Variants in SGCD observed in about 807,000 individuals in gnomAD.
SGCD encodes the protein delta-sarcoglycan.
In SGCD, 18 loss-of-function variants were observed where a neutral mutation model predicts 36.6. The observed-to-expected ratio is 0.49, with a 90% confidence interval of 0.34 to 0.73. The LOEUF is 0.73. Among genes scored for constraint, SGCD ranks in the 30% least tolerant of loss-of-function variants. SGCD has a pLI of 0.01. For missense variants in SGCD, 387 were observed against 346.7 expected (o/e 1.12, Z -0.92); for synonymous variants, 133 against 130.6 (o/e 1.02, Z -0.12).
At chr5:156,230,101 A>ACCTTTCTCTGGTGCTTCC (rs1338927332) in intron 3 of SGCD, among the ~76,000 whole-genome samples, 31 of 151,912 alleles carry the variant, frequency 2.0e-4, no homozygotes, top group African/African-American at 7.0e-4. Context: ...ATTTGGCTTC[A>ACCTTTCTCTGGTGCTTCC]CCTTTCTCTG....
intron 3 of SGCD, among the ~76,000 whole-genome samples, chr5:156,246,600 A>G (rs1312927063): frequency 1.3e-5 from 2 of 152,202 alleles, no homozygotes; most frequent in African/African-American, 2.4e-5. Context: ...ACTGTTTCAT[A>G]TAAATAAGGA....
chr5:156,631,456 C>G (rs1047473647), intron 6 of SGCD, among the ~76,000 whole-genome samples: 5 of 141,218 alleles, frequency 3.5e-5, no homozygotes, highest in African/African-American at 1.4e-4. Flanking sequence ...GGTTTTGACA[C>G]TTGCTTTTTT....
chr5:156,141,917 G>A (rs1762591240), intron 3 of SGCD, among the ~76,000 whole-genome samples: 1 of 152,174 alleles, frequency 6.6e-6, no homozygotes, highest in Admixed American at 6.5e-5. Context: ...CAGTGGAGCA[G>A]TTTCCTTCAT....
chr5:156,092,913 T>A, intron 1 of SGCD, among the ~76,000 whole-genome samples: 1 of 152,242 alleles, frequency 6.6e-6, no homozygotes, highest in Admixed American at 6.5e-5. Context: ...TTTGGTGCTT[T>A]GTGCTTCTGT....
intron 1 of SGCD, among the ~76,000 whole-genome samples, chr5:155,940,402 A>T (rs1757297713): frequency 6.6e-6 from 1 of 152,180 alleles, no homozygotes; most frequent in Non-Finnish European, 1.5e-5. Flanking sequence ...GCTCCAACAT[A>T]TTCTAGATGT....
At chr5:155,875,944 C>A (rs1755758829) in intron 1 of SGCD, among the ~76,000 whole-genome samples, 1 of 151,998 alleles carries the variant, frequency 6.6e-6, no homozygotes, top group Admixed American at 6.6e-5. Flanking sequence ...ACATACCTAA[C>A]ACCCTGTGCA....
chr5:156,376,228 A>G (rs1441848503), intron 3 of SGCD, among the ~76,000 whole-genome samples: 1 of 152,214 alleles, frequency 6.6e-6, no homozygotes, highest in Non-Finnish European at 1.5e-5. Flanking sequence ...TCCCCATATC[A>G]TCTTGGGTGT....
intron 3 of SGCD, among the ~76,000 whole-genome samples, chr5:156,315,218 A>G (rs1307683855): frequency 6.7e-6 from 1 of 150,264 alleles, no homozygotes; most frequent in Non-Finnish European, 1.5e-5. Flanking sequence ...TACCCTACCT[A>G]CCACCCCCTT....
At chr5:155,919,199 C>G (rs1156363024) in intron 1 of SGCD, among the ~76,000 whole-genome samples, 1 of 152,184 alleles carries the variant, frequency 6.6e-6, no homozygotes, top group East Asian at 1.9e-4. Flanking sequence ...ATCATCTATG[C>G]CAATCTTTTC....
intron 3 of SGCD, among the ~76,000 whole-genome samples, chr5:156,240,697 A>T (rs1029415007): frequency 1.3e-5 from 2 of 151,348 alleles, no homozygotes; most frequent in African/African-American, 2.4e-5. Flanking sequence ...TTAATTTAAT[A>T]AAAAAAAATG....
chr5:155,763,120 T>C, the SGCD span, among the ~76,000 whole-genome samples: 24 of 152,316 alleles, frequency 1.6e-4, no homozygotes, highest in African/African-American at 5.8e-4. Context: ...TTGAACTCTC[T>C]TGTTATTGGG....
chr5:156,253,285 C>G (rs1055611974), intron 3 of SGCD, among the ~76,000 whole-genome samples: 3 of 152,198 alleles, frequency 2.0e-5, no homozygotes, highest in African/African-American at 7.2e-5. Flanking sequence ...GTCTCCATCT[C>G]TTTGCATATC....
At position 156,759,865 on chromosome 5, in the gene SGCD, G is replaced by A. The variant is rs1295770158; in HGVS notation, c.*475G>A. 1 of 152,142 alleles carries A rather than the reference G, an allele frequency of 6.6e-6. No individual in the cohort carries two copies. The highest frequency in any genetic ancestry group is 2.4e-5 in the African/African-American group (1 of 41,436). The allele number at this position is 152,142 out of a possible 1,614,324, so 9.4% of individuals were successfully genotyped here. ...GTCGCACTCAAGCTCTGAGACCTTT[G>A]TATCAAAAATAGGCATTTGATTTCC... On this transcript the variant is annotated 3_prime_UTR_variant, in exon 9 of 9. Coordinates refer to ENST00000337851, the MANE Select transcript of SGCD (RefSeq NM_000337.6).
intron 3 of SGCD, among the ~76,000 whole-genome samples, chr5:156,417,618 G>T (rs946606527): frequency 2.6e-5 from 4 of 152,118 alleles, no homozygotes; most frequent in African/African-American, 9.7e-5. Context: ...TTCCTGGCTT[G>T]CATCCTCACA....
chr5:156,098,463 T>G (rs1346606725), intron 1 of SGCD, among the ~76,000 whole-genome samples: 2 of 152,146 alleles, frequency 1.3e-5, no homozygotes, highest in Non-Finnish European at 2.9e-5. Flanking sequence ...GCAATGCTGG[T>G]GCTTTGTCTA....
At chr5:156,253,997 T>C (rs563954166) in intron 3 of SGCD, among the ~76,000 whole-genome samples, 1 of 152,362 alleles carries the variant, frequency 6.6e-6, no homozygotes, top group South Asian at 2.1e-4. Context: ...TTTAATGATT[T>C]GTCTATATAT....
chr5:156,595,144 C>G, intron 6 of SGCD, 93 bp downstream of exon 6: 1 of 1,388,136 alleles, frequency 7.2e-7, no homozygotes, highest in Non-Finnish European at 9.6e-7. Flanking sequence ...TATGTCCTCC[C>G]AAAATTCATA....
intron 3 of SGCD, among the ~76,000 whole-genome samples, chr5:156,423,614 A>G (rs1773528470): frequency 6.6e-6 from 1 of 151,240 alleles, no homozygotes; most frequent in Non-Finnish European, 1.5e-5. Context: ...CCTGACACTT[A>G]ACATATGCCC....
rs374415087 is a variant in SGCD, at chr5:156,657,194, C to A, written c.575+9658C>A. On this transcript the variant is annotated intron_variant, in intron 7 of 8. Transcript: ENST00000337851. ...CCGCACACCACTGACAGTTACAGTA[C>A]CAAAATATTGGATAAATAGTCTGAC... 4.2e-4 allele frequency among the ~76,000 whole-genome samples: 64 copies of A among 151,748 alleles called. 1 individual carries two copies. The highest frequency in any genetic ancestry group is 1.4e-3 in the African/African-American group (60 of 41,382).
Sources: allele counts gnomAD v4.1 joint callset (sites outside exome capture counted in the v4.1 genomes callset), GRCh38; gene constraint gnomAD v4.1.1; transcripts MANE v1.5; gene names NCBI Gene and HGNC (gene_info 2026-07-23, HGNC 2026-07-21).